The following SV2C variants were observed in gnomAD, a reference collection of about 807,000 sequenced individuals.
SV2C encodes the protein solute carrier family 22 member B3.
SV2C carries 49 observed loss-of-function variants against 79.7 expected under a neutral mutation model. The ratio of observed to expected loss-of-function variants is 0.61; its 90% CI spans 0.49 to 0.78. The LOEUF (loss-of-function observed/expected upper bound fraction) is 0.78. Among genes scored for constraint, SV2C ranks in the 30% least tolerant of loss-of-function variants. The pLI, the probability that SV2C is intolerant of heterozygous loss-of-function variation, is 0.00. For missense variants in SV2C, 833 were observed against 912.9 expected (o/e 0.91, Z 1.13); for synonymous variants, 334 against 333.2 (o/e 1.00, Z -0.03).
chr5:76,348,450 T>G (rs1370164922), intron 12 of SV2C, among the ~76,000 whole-genome samples: 1 of 152,226 alleles, frequency 6.6e-6, no homozygotes, highest in African/African-American at 2.4e-5. Context: ...TGGGTAAATA[T>G]CAAGGTACAT....
chr5:76,256,124 C>T (rs1389676236), intron 4 of SV2C, among the ~76,000 whole-genome samples: 2 of 152,214 alleles, frequency 1.3e-5, no homozygotes, highest in East Asian at 3.9e-4. Context: ...ACCAAGGCCA[C>T]TTTGTGCTTT....
At chr5:76,175,833 G>T (rs1457305040) in intron 2 of SV2C, among the ~76,000 whole-genome samples, 2 of 152,092 alleles carry the variant, frequency 1.3e-5, no homozygotes, top group African/African-American at 4.8e-5. Flanking sequence ...CCCGAGAGGT[G>T]GATTGCAATC....
chr5:75,945,325 CT>C, the SV2C span, among the ~76,000 whole-genome samples: 3 of 150,738 alleles, frequency 2.0e-5, no homozygotes, highest in African/African-American at 7.3e-5. Flanking sequence ...TTCTCTCTCT[CT>C]TTTTTTTTGA....
the SV2C span, among the ~76,000 whole-genome samples, chr5:75,891,943 C>G: frequency 6.6e-6 from 1 of 152,056 alleles, no homozygotes; most frequent in African/African-American, 2.4e-5. Context: ...TTAAAAACAG[C>G]TTAGGGCCAG....
At position 76,332,776 on chromosome 5, in the gene SV2C, C is replaced by T. The variant is rs1336894657; in HGVS notation, c.*7229C>T. ...CCTAACCCCTAAGACAGTTGTTAAA[C>T]ATTTGCCAGCATACCACCATCTAAA... On this transcript the variant is annotated 3_prime_UTR_variant, in exon 13 of 13. Coordinates refer to ENST00000502798, the MANE Select transcript of SV2C (RefSeq NM_014979.4). 1 of 152,172 alleles carries T rather than the reference C, an allele frequency of 6.6e-6. No homozygotes were observed. Among genetic ancestry groups the T allele is most frequent in the Non-Finnish European group, 1.5e-5 (1 of 68,048 alleles). 9.4% of individuals were successfully genotyped at this position (152,172 alleles called of 1,614,324 possible).
rs1004687959 is a variant in SV2C at position 76,331,618 on chromosome 5, T to A, written c.*6071T>A. ...CCCCATTGCCATTTTTGCCCACCAGTTCTCTTCTTACCTCCTCAGGGCAGT... is the reference window on the plus strand; with the variant it reads ...CCCCATTGCCATTTTTGCCCACCAGATCTCTTCTTACCTCCTCAGGGCAGT... On this transcript the variant is annotated 3_prime_UTR_variant, in exon 13 of 13. Transcript: ENST00000502798. The A allele has an allele frequency of 1.3e-5, 2 of 152,420 alleles. No individual in the cohort carries two copies. Among genetic ancestry groups the A allele is most frequent in the South Asian group, 4.1e-4 (2 of 4,826 alleles). 9.4% of individuals were successfully genotyped at this position (152,420 alleles called of 1,614,324 possible).
chr5:75,939,321 G>GT, the SV2C span, among the ~76,000 whole-genome samples: 1 of 152,110 alleles, frequency 6.6e-6, no homozygotes, highest in Admixed American at 6.6e-5. Flanking sequence ...GCTTCCTGGA[G>GT]TGTAGAGGGC....
chr5:76,063,496 G>A, the SV2C span, among the ~76,000 whole-genome samples: 9 of 152,232 alleles, frequency 5.9e-5, no homozygotes, highest in African/African-American at 9.6e-5. Context: ...GCCTTCCATC[G>A]GTGGTAGAAT....
At chr5:76,003,821 G>A in the SV2C span, among the ~76,000 whole-genome samples, 1 of 151,998 alleles carries the variant, frequency 6.6e-6, no homozygotes, top group Admixed American at 6.6e-5. Context: ...AGGGCCATAG[G>A]GTGTGGAGCT....
chr5:76,137,113 T>C (rs1205546817), intron 2 of SV2C, among the ~76,000 whole-genome samples: 2 of 152,216 alleles, frequency 1.3e-5, no homozygotes, highest in African/African-American at 4.8e-5. Flanking sequence ...TAGCTGTACG[T>C]TGGCAATAAG....
At chr5:76,061,574 C>T in the SV2C span, among the ~76,000 whole-genome samples, 33 of 152,204 alleles carry the variant, frequency 2.2e-4, no homozygotes, top group South Asian at 6.8e-3. Context: ...AAAATTCTGT[C>T]CTCCTCTGCC....
At chr5:75,873,703 T>C in the SV2C span, among the ~76,000 whole-genome samples, 3 of 151,988 alleles carry the variant, frequency 2.0e-5, no homozygotes. Flanking sequence ...ATTGTTTTTG[T>C]GCAACTAGAA....
At chr5:76,273,527 A>G (rs1746936735) in intron 4 of SV2C, among the ~76,000 whole-genome samples, 1 of 152,236 alleles carries the variant, frequency 6.6e-6, no homozygotes, top group Non-Finnish European at 1.5e-5. Flanking sequence ...GTGAGTTTCA[A>G]AAGCCACCAG....
At chr5:75,895,474 G>T in the SV2C span, among the ~76,000 whole-genome samples, 1 of 152,116 alleles carries the variant, frequency 6.6e-6, no homozygotes, top group Admixed American at 6.6e-5. Context: ...GTGACATAAA[G>T]TAGTTTAATT....
intron 6 of SV2C, 124 bp downstream of exon 6, chr5:76,285,994 G>T: frequency 1.3e-6 from 1 of 751,058 alleles, no homozygotes; most frequent in South Asian, 1.9e-5. Context: ...ACTCAGCTCT[G>T]CCATTGTAGT....
At chr5:75,986,354 C>A in the SV2C span, among the ~76,000 whole-genome samples, 1 of 151,614 alleles carries the variant, frequency 6.6e-6, no homozygotes, top group African/African-American at 2.4e-5. Flanking sequence ...ATGACAGAAG[C>A]AGAGAGTGAA....
At chr5:76,164,955 A>T (rs1743003754) in intron 2 of SV2C, among the ~76,000 whole-genome samples, 1 of 152,184 alleles carries the variant, frequency 6.6e-6, no homozygotes, top group Non-Finnish European at 1.5e-5. Flanking sequence ...TGTATATGCT[A>T]TGTAAATAGT....
the SV2C span, among the ~76,000 whole-genome samples, chr5:76,062,623 G>GAA: frequency 7.3e-5 from 10 of 137,420 alleles, no homozygotes; most frequent in Non-Finnish European, 1.1e-4. Flanking sequence ...GGTTGTGTCT[G>GAA]AAAAAAAAAA....
At chr5:76,258,007 T>C (rs1018845031) in intron 4 of SV2C, among the ~76,000 whole-genome samples, 3 of 149,532 alleles carry the variant, frequency 2.0e-5, no homozygotes, top group Non-Finnish European at 4.5e-5. Context: ...GTATGGGGTG[T>C]GTGTGTAGTG....
Sources: allele counts gnomAD v4.1 joint callset (sites outside exome capture counted in the v4.1 genomes callset), GRCh38; gene constraint gnomAD v4.1.1; transcripts MANE v1.5; gene names NCBI Gene and HGNC (gene_info 2026-07-23, HGNC 2026-07-21).